SLC30A5: variants seen among roughly 807,000 people sequenced by gnomAD.
SLC30A5 encodes the protein solute carrier family 30 member 5.
A neutral mutation model predicts 79.6 loss-of-function variants in SLC30A5; 33 were observed. The ratio of observed to expected loss-of-function variants is 0.41; its 90% CI spans 0.31 to 0.55. The LOEUF is 0.55. Among genes scored for constraint, SLC30A5 ranks in the 20% least tolerant of loss-of-function variants. The probability of loss-of-function intolerance (pLI) is 0.20; values close to 1 mark genes in which losing one functional copy is unlikely to be tolerated. For synonymous variants in SLC30A5, 299 were observed against 319.7 expected (o/e 0.94, Z 0.69); for missense variants, 788 against 928.1 (o/e 0.85, Z 1.96).
intron 12 of SLC30A5, among the ~76,000 whole-genome samples, chr5:69,118,904 G>A (rs762574424): frequency 2.0e-5 from 3 of 149,068 alleles, no homozygotes; most frequent in Non-Finnish European, 4.4e-5. Flanking sequence ...AGGCTCAAGC[G>A]ATTCTCGTGC....
At chr5:69,096,756 G>A (rs1456485243) in intron 1 of SLC30A5, among the ~76,000 whole-genome samples, 1 of 152,078 alleles carries the variant, frequency 6.6e-6, no homozygotes, top group Non-Finnish European at 1.5e-5. Flanking sequence ...GAGCCCTAGA[G>A]TTTGAGACCA....
intron 12 of SLC30A5, among the ~76,000 whole-genome samples, chr5:69,121,186 G>A (rs1372660950): frequency 6.6e-6 from 1 of 152,036 alleles, no homozygotes; most frequent in Middle Eastern, 3.2e-3. Flanking sequence ...ACTATTGTAT[G>A]TTTCCTTTTT....
intron 15 of SLC30A5, 21 bp from the exon 16 acceptor site, chr5:69,129,426 A>G (rs1423714015): frequency 6.3e-7 from 1 of 1,592,966 alleles, no homozygotes; most frequent in African/African-American, 1.3e-5. Context: ...ATGCTTCAAA[A>G]TATCTGGATT....
rs1431030374 is a variant in SLC30A5, at chr5:69,129,549, G to T, written c.2230G>T (p.Asp744Tyr). The T allele has an allele frequency of 6.2e-7, 1 of 1,613,530 alleles. No individual in the cohort carries two copies. Among genetic ancestry groups the T allele is most frequent in the Non-Finnish European group, 8.5e-7 (1 of 1,179,758 alleles). ...GTCTGGCCTAAGTACTGGATTTCAT[G>T]ATGTTCTGGCTATGACAAAACAAAT... ...HMSGLSTGFH[D>Y]VLAMTKQMES... The change falls in exon 16 of 16, where the codon GAT becomes TAT. Residue 744 changes from aspartate to tyrosine, a missense_variant. Asp to Tyr is a radical substitution (Grantham distance 160). Around this residue, in one of 3 missense-constraint regions of SLC30A5, gnomAD observed 158 missense variants for 156.2 expected, o/e 1.01. Coordinates refer to ENST00000396591, the MANE Select transcript of SLC30A5 (RefSeq NM_022902.5).
chr5:69,114,342 T>G (rs1293112103), intron 6 of SLC30A5, 78 bp from the exon 7 acceptor site: 1 of 815,490 alleles, frequency 1.2e-6, no homozygotes, highest in East Asian at 2.4e-5. Context: ...CAAAATAATG[T>G]AACTAAAATT....
chr5:69,098,999 CTG>C (rs1416614119), intron 1 of SLC30A5, among the ~76,000 whole-genome samples: 1 of 152,158 alleles, frequency 6.6e-6, no homozygotes, highest in Non-Finnish European at 1.5e-5. Flanking sequence ...GATTTTTGGT[CTG>C]TATAAAGTAA....
Position 69,113,191 on chromosome 5 carries a change from G to A in SLC30A5, c.499G>A (p.Asp167Asn). The change falls in exon 6 of 16, where the codon GAC becomes AAC. Residue 167 changes from aspartate (D) to asparagine (N), a missense_variant. Asp to Asn is a conservative substitution (Grantham distance 23). This residue lies in a region of SLC30A5 where 626 missense variants were observed against 755.5 expected (regional missense o/e 0.83). Transcript: ENST00000396591. Reference sequence around the variant, plus strand: ...TGCTGTGATCTGTTTATTGCTTTTTGACAATGATGATCTCATGGCTAAAAT... The same window carrying A: ...TGCTGTGATCTGTTTATTGCTTTTTAACAATGATGATCTCATGGCTAAAAT... The part of the protein sequence containing the change: ...IIAVICLLLF[D>N]NDDLMAKMAE... 1 of 1,613,244 alleles carries A rather than the reference G, an allele frequency of 6.2e-7. No homozygotes were observed. The highest frequency in any genetic ancestry group is 8.5e-7 in the Non-Finnish European group (1 of 1,179,728).
chr5:69,116,455 T>G lies in SLC30A5; in HGVS notation c.1134T>G (p.Ser378=). The part of the protein sequence containing the change: ...RGQKGTLIGY[S]PEGTPLYNFM... ...AAAAAGGTACCCTTATTGGATATTC[T>G]CCTGAAGGAACACCTCTTTATAACT... Residue 378 remains serine (S), a synonymous_variant, in exon 10 of 16, where the codon TCT becomes TCG. Transcript: ENST00000396591. The surrounding 1 kb of genome is among the most constrained non-coding windows in gnomAD (Gnocchi z 4.0). The G allele has an allele frequency of 6.2e-7, 1 of 1,612,840 alleles. No homozygotes were observed. Among genetic ancestry groups the G allele is most frequent in the Non-Finnish European group, 8.5e-7 (1 of 1,179,550 alleles).
chr5:69,122,123 T>C (rs1324371994), intron 13 of SLC30A5, among the ~76,000 whole-genome samples: 4 of 152,204 alleles, frequency 2.6e-5, no homozygotes, highest in African/African-American at 4.8e-5. Context: ...GCTGGGAGCA[T>C]GGTGGTTCAC....
intron 4 of SLC30A5, among the ~76,000 whole-genome samples, chr5:69,106,232 C>T (rs1580171196): frequency 6.6e-6 from 1 of 152,286 alleles, no homozygotes; most frequent in East Asian, 1.9e-4. Flanking sequence ...ACAGTAGCAG[C>T]TGCAGCTTGG....
Position 69,094,052 on chromosome 5 carries a change from C to G in SLC30A5, c.-204C>G, listed in dbSNP as rs991832603. ...CTGCTTCCCGGGAACCTGGCGCCGC[C>G]GGAACTGATCGCGGCCTAGTCCCGA... On this transcript the variant is annotated 5_prime_UTR_variant, in exon 1 of 16. Transcript: ENST00000396591. 3.5e-5 allele frequency: 14 copies of G among 395,466 alleles called. No homozygotes were observed. Among genetic ancestry groups the G allele is most frequent in the African/African-American group, 6.2e-5 (3 of 48,376 alleles). 24.5% of individuals were successfully genotyped at this position (395,466 alleles called of 1,614,324 possible).
At chr5:69,096,899 G>A (rs1668596352) in intron 1 of SLC30A5, among the ~76,000 whole-genome samples, 1 of 151,368 alleles carries the variant, frequency 6.6e-6, no homozygotes, top group South Asian at 2.1e-4. Context: ...GGTCAAGGCT[G>A]CAGTGAGCTA....
chr5:69,116,751 G>T lies in SLC30A5; in HGVS notation c.1281+149G>T. 1.8e-6 allele frequency: 1 copy of T among 556,164 alleles called. No individual in the cohort carries two copies. Among genetic ancestry groups the T allele is most frequent in the Non-Finnish European group, 3.0e-6 (1 of 337,142 alleles). 34.5% of individuals were successfully genotyped at this position (556,164 alleles called of 1,614,324 possible). On this transcript the variant is annotated intron_variant, in intron 10 of 15. Coordinates refer to ENST00000396591, the MANE Select transcript of SLC30A5 (RefSeq NM_022902.5). The surrounding 1 kb of genome is among the most constrained non-coding windows in gnomAD (Gnocchi z 4.0). ...TCTAAGTATAATAGCAAGATTACGA[G>T]ATCATATTCAGATTCCTTAGGCAAT...
At chr5:69,122,681 G>T (rs1408248331) in intron 13 of SLC30A5, among the ~76,000 whole-genome samples, 1 of 152,046 alleles carries the variant, frequency 6.6e-6, no homozygotes, top group Admixed American at 6.6e-5. Context: ...AAATATATTT[G>T]TTCTTAAATG....
rs1746448284 is a variant in SLC30A5 at position 69,118,539 on chromosome 5, C to T, written c.1480C>T (p.Leu494Phe). Residue 494 changes from leucine to phenylalanine, a missense_variant, in exon 12 of 16, where the codon CTT becomes TTT. Leu to Phe is a conservative substitution (Grantham distance 22). Transcript: ENST00000396591. ...IEILSGFINGLFLIVIAFFVF... is the reference protein window; with the variant it reads ...IEILSGFINGFFLIVIAFFVF... The stretch of plus-strand genomic sequence containing the variant: ...AATTCTGTCTGGATTTATTAATGGA[C>T]TTTTTCTAATAGTAATAGCGTTTTT... 1.2e-6 allele frequency: 2 copies of T among 1,602,014 alleles called. No homozygotes were observed. Among genetic ancestry groups the T allele is most frequent in the Non-Finnish European group, 1.7e-6 (2 of 1,174,996 alleles).
At chr5:69,117,108 G>T (rs1343123017) in intron 10 of SLC30A5, 131 bp from the exon 11 acceptor site, 1 of 653,790 alleles carries the variant, frequency 1.5e-6, no homozygotes, top group African/African-American at 1.8e-5. Context: ...GGTTTCTAAT[G>T]TAAGTGGCAG....
rs1746801705 is a variant in SLC30A5 at position 69,129,738 on chromosome 5, T to C, written c.*121T>C. 2 of 760,268 alleles carry C rather than the reference T, an allele frequency of 2.6e-6. No homozygotes were observed. Among genetic ancestry groups the C allele is most frequent in the South Asian group, 3.0e-5 (1 of 33,598 alleles). 47.1% of individuals were successfully genotyped at this position (760,268 alleles called of 1,614,324 possible). A position where few individuals can be genotyped will look rare whatever the true frequency, so the allele number is the denominator to read the frequency against. On this transcript the variant is annotated 3_prime_UTR_variant, in exon 16 of 16. Coordinates refer to ENST00000396591, the MANE Select transcript of SLC30A5 (RefSeq NM_022902.5). ...GTACAGAAACAGAGTTCCCTACTACTGGATCAAGGAATCTTTCTTGAAGGA... is the reference window on the plus strand; with the variant it reads ...GTACAGAAACAGAGTTCCCTACTACCGGATCAAGGAATCTTTCTTGAAGGA...
intron 12 of SLC30A5, 23 bp from the exon 13 acceptor site, chr5:69,121,671 G>T (rs570315564): frequency 1.8e-5 from 28 of 1,527,678 alleles, no homozygotes; most frequent in East Asian, 6.9e-5. Flanking sequence ...TAATTTAAAG[G>T]TTTTTTTTCT....
intron 12 of SLC30A5, among the ~76,000 whole-genome samples, chr5:69,121,203 C>A (rs1021566580): frequency 6.6e-6 from 1 of 152,138 alleles, no homozygotes; most frequent in Non-Finnish European, 1.5e-5. Context: ...TTTTATTATA[C>A]TTGTTTTACT....
Sources: allele counts gnomAD v4.1 joint callset (sites outside exome capture counted in the v4.1 genomes callset), GRCh38; gene constraint gnomAD v4.1.1; regional missense constraint gnomAD v4.1.1; non-coding constraint Gnocchi (gnomAD v3.1); transcripts MANE v1.5; gene names NCBI Gene and HGNC (gene_info 2026-07-23, HGNC 2026-07-21).